Variants in NEDD4L observed in about 807,000 individuals in gnomAD.
NEDD4L encodes NEDD4 like E3 ubiquitin protein ligase.
A neutral mutation model predicts 148.9 loss-of-function variants in NEDD4L; 54 were observed. That is an observed-to-expected ratio of 0.36 (90% CI 0.29 to 0.45). NEDD4L has a LOEUF of 0.45. Among genes scored for constraint, NEDD4L ranks in the 20% least tolerant of loss-of-function variants. NEDD4L has a pLI of 1.00. For missense variants in NEDD4L, 856 were observed against 1,233.8 expected (o/e 0.69, Z 4.59); for synonymous variants, 433 against 440.7 (o/e 0.98, Z 0.22).
intron 2 of NEDD4L, among the ~76,000 whole-genome samples, chr18:58,215,522 T>A (rs1030354945): frequency 1.3e-5 from 2 of 152,230 alleles, no homozygotes; most frequent in Non-Finnish European, 2.9e-5. Flanking sequence ...ATCTGTCATA[T>A]GTTTTTTCTC....
At chr18:58,135,065 C>CT (rs35077870) in intron 1 of NEDD4L, among the ~76,000 whole-genome samples, 65,291 of 148,176 alleles carry the variant, frequency 0.44, 14,238 homozygotes, top group Middle Eastern at 0.46. Flanking sequence ...TTCACATTTT[C>CT]TTTTTTTTTT....
At chr18:58,127,173 C>T (rs2031270397) in intron 1 of NEDD4L, among the ~76,000 whole-genome samples, 1 of 152,244 alleles carries the variant, frequency 6.6e-6, no homozygotes, top group Non-Finnish European at 1.5e-5. Context: ...GTGCTGGCCA[C>T]ACCAGGCTAG....
intron 22 of NEDD4L, among the ~76,000 whole-genome samples, chr18:58,368,700 T>G (rs1272897620): frequency 6.6e-6 from 1 of 152,272 alleles, no homozygotes; most frequent in East Asian, 1.9e-4. Flanking sequence ...ACTTTTCCCA[T>G]GAATATGTTT....
In NEDD4L at chr18:58,256,860, C is replaced by T. The variant is rs545198357; in HGVS notation, c.297+4806C>T. On this transcript the variant is annotated intron_variant, in intron 5 of 30. Transcript: ENST00000400345. This position sits in a 1 kb window ranked among gnomAD's most constrained non-coding sequence, Gnocchi z 5.2. ...CGTAACCAAAATAAAACCTCACCCT[C>T]TGTTCCGGGAGTTTCCCTGCTTCAG... 8.6e-7 allele frequency: 1 copy of T among 1,157,274 alleles called. No homozygotes were observed. Among genetic ancestry groups the T allele is most frequent in the South Asian group, 4.5e-5 (1 of 22,360 alleles). 71.7% of individuals were successfully genotyped at this position (1,157,274 alleles called of 1,614,324 possible).
chr18:58,256,337 G>A lies in NEDD4L; in HGVS notation c.297+4283G>A. The A allele has an allele frequency of 8.1e-7, 1 of 1,232,096 alleles. No individual in the cohort carries two copies. The highest frequency in any genetic ancestry group is 1.0e-6 in the Non-Finnish European group (1 of 987,932). The allele number at this position is 1,232,096 out of a possible 1,614,324, so 76.3% of individuals were successfully genotyped here. On this transcript the variant is annotated intron_variant, in intron 5 of 30. Transcript: ENST00000400345. This position sits in a 1 kb window ranked among gnomAD's most constrained non-coding sequence, Gnocchi z 5.2. ...CTGGTCCCTGCAGCACGTTCCAGATGCTTCTGGAAGCTCTGGGAAGCGGTG... is the reference window on the plus strand; with the variant it reads ...CTGGTCCCTGCAGCACGTTCCAGATACTTCTGGAAGCTCTGGGAAGCGGTG...
chr18:58,309,389 G>A (rs1208345322), intron 5 of NEDD4L, among the ~76,000 whole-genome samples: 1 of 152,168 alleles, frequency 6.6e-6, no homozygotes, highest in Non-Finnish European at 1.5e-5. Context: ...CCCTCAAGGT[G>A]TCCCTGCAGT....
rs550228734 is a variant in NEDD4L, at chr18:58,054,120, G to A, written c.48+9412G>A. On this transcript the variant is annotated intron_variant, in intron 1 of 30. Transcript: ENST00000400345. ...TTTCTTAATGCTGGAAGTTACTTTG[G>A]TTTTTCAGAAAATGCAAGTAACCCT... 2.6e-5 allele frequency among the ~76,000 whole-genome samples: 4 copies of A among 152,242 alleles called. No homozygotes were observed. The South Asian group carries it at 8.3e-4, about 32-fold the overall frequency.
At chr18:58,089,020 C>T (rs567845559) in intron 1 of NEDD4L, among the ~76,000 whole-genome samples, 3 of 151,768 alleles carry the variant, frequency 2.0e-5, no homozygotes, top group East Asian at 3.9e-4. Flanking sequence ...CCAACCTGGT[C>T]GTAAGAAAAT....
At chr18:58,059,694 C>T (rs2082241391) in intron 1 of NEDD4L, among the ~76,000 whole-genome samples, 1 of 152,164 alleles carries the variant, frequency 6.6e-6, no homozygotes, top group Non-Finnish European at 1.5e-5. Context: ...GAAACAAACT[C>T]ACCTCTTGTG....
At chr18:58,213,291 T>C (rs2147770315) in intron 2 of NEDD4L, among the ~76,000 whole-genome samples, 1 of 152,354 alleles carries the variant, frequency 6.6e-6, no homozygotes, top group East Asian at 1.9e-4. Flanking sequence ...AGGATATTTA[T>C]TGTACCATTA....
chr18:58,327,155 T>C (rs1310321574), intron 9 of NEDD4L, among the ~76,000 whole-genome samples: 1 of 152,192 alleles, frequency 6.6e-6, no homozygotes, highest in Non-Finnish European at 1.5e-5. Context: ...TCACCCACAG[T>C]GGCACCATCT....
intron 13 of NEDD4L, among the ~76,000 whole-genome samples, chr18:58,337,151 TTTCTTGCC>T (rs994971110): frequency 6.6e-6 from 1 of 152,096 alleles, no homozygotes; most frequent in Non-Finnish European, 1.5e-5. Flanking sequence ...AGACTGCCAT[TTTCTTGCC>T]TTCTTGCCTG....
intron 1 of NEDD4L, among the ~76,000 whole-genome samples, chr18:58,078,013 G>GT (rs2083257588): frequency 3.2e-5 from 2 of 62,348 alleles, no homozygotes; most frequent in African/African-American, 7.5e-5. Context: ...GCTGAGAAAC[G>GT]TATTTTTTTT....
At chr18:58,245,576 C>T (rs965080144) in intron 3 of NEDD4L, 68 bp downstream of exon 3, 2 of 779,462 alleles carry the variant, frequency 2.6e-6, no homozygotes, top group African/African-American at 3.5e-5. Flanking sequence ...CAGTCATGTG[C>T]TGCTTAACAC....
At chr18:58,367,043 A>G (rs1487425129) in intron 21 of NEDD4L, 1 of 152,296 alleles carries the variant, frequency 6.6e-6, no homozygotes, top group Non-Finnish European at 1.5e-5. Flanking sequence ...CCCACTATGT[A>G]CAATGTATCC....
rs1372197605 is a variant in NEDD4L at position 58,396,236 on chromosome 18, G to C, written c.2895G>C (p.Val965=). The part of the protein sequence containing the change: ...EDLREKLLMA[V]ENAQGFEGVD ...TACGAGAGAAACTTCTCATGGCCGT[G>C]GAAAATGCTCAAGGATTTGAAGGGG... Residue 965 remains valine, a synonymous_variant, in exon 31 of 31, where the codon GTG becomes GTC. Coordinates refer to ENST00000400345, the MANE Select transcript of NEDD4L (RefSeq NM_001144967.3). 3.1e-6 allele frequency: 5 copies of C among 1,613,212 alleles called. No individual in the cohort carries two copies. The highest frequency in any genetic ancestry group is 3.4e-6 in the Non-Finnish European group (4 of 1,179,542).
intron 2 of NEDD4L, among the ~76,000 whole-genome samples, chr18:58,176,595 A>G (rs2038186000): frequency 6.6e-6 from 1 of 152,180 alleles, no homozygotes. Context: ...TTGGCCTCTC[A>G]AAGTGCTGGA....
chr18:58,242,258 A>G (rs772506650), intron 2 of NEDD4L, among the ~76,000 whole-genome samples: 1 of 152,202 alleles, frequency 6.6e-6, no homozygotes, highest in Non-Finnish European at 1.5e-5. Flanking sequence ...AGCAAAGAAC[A>G]GTTACCTTGG....
At chr18:58,150,599 C>G (rs2034603580) in intron 1 of NEDD4L, among the ~76,000 whole-genome samples, 1 of 152,152 alleles carries the variant, frequency 6.6e-6, no homozygotes, top group South Asian at 2.1e-4. Context: ...GTTAAAAGCA[C>G]TCTGATTTGG....
Sources: allele counts gnomAD v4.1 joint callset (sites outside exome capture counted in the v4.1 genomes callset), GRCh38; gene constraint gnomAD v4.1.1; non-coding constraint Gnocchi (gnomAD v3.1); transcripts MANE v1.5; gene names NCBI Gene and HGNC (gene_info 2026-07-23, HGNC 2026-07-21).